Variants in TBC1D1 observed in about 807,000 individuals in gnomAD.
TBC1D1 encodes the protein TBC1 domain family member 1.
Under a neutral mutation model 125.6 loss-of-function variants are expected in TBC1D1, and 89 were observed. The observed-to-expected ratio is 0.71, with a 90% confidence interval of 0.60 to 0.85. TBC1D1 has a LOEUF of 0.85. Ranked by LOEUF, TBC1D1 falls within the 40% of genes least tolerant of loss-of-function variation. The probability of loss-of-function intolerance (pLI) is 0.00; values close to 1 mark genes in which losing one functional copy is unlikely to be tolerated. For synonymous variants in TBC1D1, 565 were observed against 564.1 expected, an observed-to-expected ratio of 1.00 and a Z score of -0.02; for missense variants, 1,377 against 1,469.2, an observed-to-expected ratio of 0.94 and a Z score of 1.03.
intron 9 of TBC1D1, among the ~76,000 whole-genome samples, chr4:38,045,059 C>T (rs1447692783): frequency 6.6e-6 from 1 of 152,230 alleles, no homozygotes; most frequent in Non-Finnish European, 1.5e-5. Flanking sequence ...CACTTACTAT[C>T]TGGCCCTTTA....
chr4:37,898,304 G>T (rs939548552), intron 1 of TBC1D1, among the ~76,000 whole-genome samples: 8 of 151,988 alleles, frequency 5.3e-5, no homozygotes, highest in African/African-American at 1.7e-4. Flanking sequence ...AAAACACCTT[G>T]GAAAAAAGAG....
At chr4:38,135,157 T>C (rs956463579) in intron 19 of TBC1D1, among the ~76,000 whole-genome samples, 4 of 152,240 alleles carry the variant, frequency 2.6e-5, no homozygotes, top group South Asian at 2.1e-4. Flanking sequence ...AATTTTCATA[T>C]AGCTTTTCTG....
At chr4:38,127,298 G>A (rs940348721) in intron 18 of TBC1D1, among the ~76,000 whole-genome samples, 14 of 152,142 alleles carry the variant, frequency 9.2e-5, no homozygotes, top group Non-Finnish European at 2.9e-5. Flanking sequence ...ACACAGCATG[G>A]GAAGAAAATA....
At chr4:38,051,187 T>C (rs968084304) in intron 11 of TBC1D1, among the ~76,000 whole-genome samples, 2 of 152,202 alleles carry the variant, frequency 1.3e-5, no homozygotes, top group Admixed American at 6.5e-5. Context: ...GTACTTTTCC[T>C]TTCTCCATGA....
At chr4:38,083,806 C>A (rs981399224) in intron 12 of TBC1D1, among the ~76,000 whole-genome samples, 1 of 152,090 alleles carries the variant, frequency 6.6e-6, no homozygotes, top group Non-Finnish European at 1.5e-5. Flanking sequence ...AGAACACTTT[C>A]TTTGTATTTC....
intron 8 of TBC1D1, among the ~76,000 whole-genome samples, chr4:38,043,457 T>G (rs1454643055): frequency 2.0e-5 from 3 of 151,322 alleles, no homozygotes; most frequent in Non-Finnish European, 2.9e-5. Flanking sequence ...AAATTAGCTG[T>G]GTGTAGTCCC....
At chr4:38,124,206 CA>C (rs1764286071) in intron 17 of TBC1D1, among the ~76,000 whole-genome samples, 2 of 3,288 alleles carry the variant, frequency 6.1e-4, no homozygotes, top group African/African-American at 1.1e-3. Flanking sequence ...GCTTTAACCC[CA>C]GGACATCGAC....
intron 2 of TBC1D1, among the ~76,000 whole-genome samples, chr4:37,990,441 G>C (rs1736316197): frequency 6.6e-6 from 1 of 152,122 alleles, no homozygotes; most frequent in Admixed American, 6.5e-5. Context: ...ATTAGAACTT[G>C]TAAAATTTGA....
chr4:38,121,875 G>A (rs2152601077), intron 17 of TBC1D1, among the ~76,000 whole-genome samples: 1 of 152,240 alleles, frequency 6.6e-6, no homozygotes, highest in East Asian at 1.9e-4. Context: ...CCAAAAAACG[G>A]TACAAATGCT....
chr4:37,994,760 T>A (rs7670255), intron 2 of TBC1D1, among the ~76,000 whole-genome samples: 44 of 152,100 alleles, frequency 2.9e-4, no homozygotes, highest in African/African-American at 9.4e-4. Flanking sequence ...GACCCCTCTC[T>A]TAGTGTGAGG....
At chr4:37,958,413 G>A (rs1469488997) in intron 2 of TBC1D1, among the ~76,000 whole-genome samples, 2 of 152,144 alleles carry the variant, frequency 1.3e-5, no homozygotes, top group African/African-American at 4.8e-5. Context: ...AGCAAAATGG[G>A]ACAGTTAATT....
intron 2 of TBC1D1, among the ~76,000 whole-genome samples, chr4:37,992,950 G>A (rs535213001): frequency 5.3e-5 from 8 of 151,914 alleles, no homozygotes; most frequent in South Asian, 2.1e-4. Context: ...GATTACAGGC[G>A]TGTGTCATCA....
At chr4:38,076,135 C>T (rs1021327242) in intron 12 of TBC1D1, among the ~76,000 whole-genome samples, 1 of 152,164 alleles carries the variant, frequency 6.6e-6, no homozygotes, top group Non-Finnish European at 1.5e-5. Context: ...TTCAGCATGG[C>T]TGGGGAGACC....
intron 2 of TBC1D1, chr4:37,961,075 T>A: frequency 6.3e-7 from 1 of 1,579,404 alleles, no homozygotes; most frequent in Non-Finnish European, 8.7e-7. Flanking sequence ...TTGTGTGTAC[T>A]TGTATTAATA....
At chr4:38,121,290 A>G (rs1050886890) in intron 17 of TBC1D1, among the ~76,000 whole-genome samples, 7 of 152,234 alleles carry the variant, frequency 4.6e-5, no homozygotes, top group Admixed American at 6.5e-5. Context: ...AAAGAGATGC[A>G]GTGCAAGCTC....
Position 38,023,900 on chromosome 4 carries a change from C to G in TBC1D1, c.1210+2182C>G, listed in dbSNP as rs78299070. Among the ~76,000 whole-genome samples, 1,358 of 152,220 alleles carry G rather than the reference C, an allele frequency of 8.9e-3. 21 individuals are homozygous for G. Among genetic ancestry groups the G allele is most frequent in the African/African-American group, 0.031 (1,291 of 41,502 alleles). On this transcript the variant is annotated intron_variant, in intron 6 of 19. Transcript: ENST00000261439. ...TTTTTTGAGGAACTGCCGTATGGTA[C>G]CACAGTGGCCACACCATTTTACAAT...
chr4:37,982,403 A>G lies in TBC1D1; in HGVS notation c.418-32106A>G, dbSNP rs371665349. On this transcript the variant is annotated intron_variant, in intron 2 of 19. Transcript: ENST00000261439. ...GACTCATACTACATTTTATTAGTGG[A>G]TGCTTGAGTTTAATAAGGAGGGGAG... Among the ~76,000 whole-genome samples the G allele has an allele frequency of 3.4e-4, 51 of 152,116 alleles. No homozygotes were observed. In the East Asian group the frequency reaches 5.2e-3, roughly 16 times the overall value.
rs577515114 is a variant in TBC1D1, at chr4:38,008,586, G to T, written c.418-5923G>T. On this transcript the variant is annotated intron_variant, in intron 2 of 19. Coordinates refer to ENST00000261439, the MANE Select transcript of TBC1D1 (RefSeq NM_015173.4). ...AAGATAAGGCAGAGGGGATGAAAAA[G>T]GGGCCCCTGTGTCAGGGGCTAACAG... Among the ~76,000 whole-genome samples the T allele has an allele frequency of 9.8e-5, 15 of 152,322 alleles. No individual in the cohort carries two copies. The South Asian group carries it at 2.9e-3, about 30-fold the overall frequency.
intron 15 of TBC1D1, chr4:38,110,785 T>C (rs940387584): frequency 1.0e-6 from 1 of 985,342 alleles, no homozygotes; most frequent in African/African-American, 1.7e-5. Context: ...CCTGATAGAT[T>C]TGTAGGAAGG....
Sources: allele counts gnomAD v4.1 joint callset (sites outside exome capture counted in the v4.1 genomes callset), GRCh38; gene constraint gnomAD v4.1.1; transcripts MANE v1.5; gene names NCBI Gene and HGNC (gene_info 2026-07-23, HGNC 2026-07-21).